Variants in DYSF observed in about 807,000 individuals in gnomAD.
DYSF encodes dysferlin.
Under a neutral mutation model 274.9 loss-of-function variants are expected in DYSF, and 212 were observed. The ratio of observed to expected loss-of-function variants is 0.77; its 90% CI spans 0.69 to 0.86. The LOEUF (loss-of-function observed/expected upper bound fraction) is 0.86, where lower values mean the gene tolerates loss of function less well. DYSF is among the 40% of genes least tolerant of loss of function. The probability of loss-of-function intolerance (pLI) is 0.00; values close to 1 mark genes in which losing one functional copy is unlikely to be tolerated. For synonymous variants in DYSF, 1,091 were observed against 1,078.7 expected, an observed-to-expected ratio of 1.01 and a Z score of -0.22; for missense variants, 2,666 against 2,783.2, an observed-to-expected ratio of 0.96 and a Z score of 0.95.
At chr2:71,509,149 C>T (rs2085811752) in intron 4 of DYSF, among the ~76,000 whole-genome samples, 1 of 152,048 alleles carries the variant, frequency 6.6e-6, no homozygotes, top group African/African-American at 2.4e-5. Flanking sequence ...AGCCACTGTG[C>T]CCAGCCGTCA....
rs200921075 is a variant in DYSF at position 71,681,070 on chromosome 2, C to T, written c.6133C>T (p.Arg2045Trp). 1.7e-5 allele frequency: 28 copies of T among 1,614,060 alleles called. No homozygotes were observed. In the African/African-American group the frequency reaches 1.7e-4, roughly 10 times the overall value. The change falls in exon 54 of 56, where the codon CGG becomes TGG. Residue 2045 changes from arginine to tryptophan, a missense_variant. By Grantham distance (101) the Arg-to-Trp change is moderately radical (BLOSUM62 -3). Coordinates refer to ENST00000410020, the MANE Select transcript of DYSF (RefSeq NM_001130987.2). Reference sequence around the variant, plus strand: ...TGAGGAGCGGCCTGCTGGCCAGGGCCGGGATGAGCCCAACATGAACCCTAA... The same window carrying T: ...TGAGGAGCGGCCTGCTGGCCAGGGCTGGGATGAGCCCAACATGAACCCTAA... ...EHEERPAGQG[R>W]DEPNMNPKLE...
chr2:71,550,238 G>A (rs2090832664), intron 17 of DYSF, among the ~76,000 whole-genome samples: 1 of 152,238 alleles, frequency 6.6e-6, no homozygotes, highest in Admixed American at 6.5e-5. Context: ...GGTTTTCAGA[G>A]CATGGCCAGT....
chr2:71,608,863 C>T (rs1028630207), intron 36 of DYSF, among the ~76,000 whole-genome samples: 1 of 151,868 alleles, frequency 6.6e-6, no homozygotes, highest in Non-Finnish European at 1.5e-5. Flanking sequence ...TTTAAGAGAA[C>T]AAGTGTATGA....
intron 3 of DYSF, among the ~76,000 whole-genome samples, chr2:71,502,499 G>A (rs2085078644): frequency 6.6e-6 from 1 of 152,110 alleles, no homozygotes; most frequent in South Asian, 2.1e-4. Flanking sequence ...TCTACAGAGG[G>A]GCAGACTATA....
upstream of DYSF, among the ~76,000 whole-genome samples, chr2:71,462,773 C>T (rs950061575): frequency 4.6e-5 from 7 of 152,192 alleles, no homozygotes; most frequent in Admixed American, 6.5e-5. Context: ...GCAGGTCTTC[C>T]CGACAAGTGG....
chr2:71,468,749 G>A (rs529259677), intron 1 of DYSF, among the ~76,000 whole-genome samples: 87 of 152,264 alleles, frequency 5.7e-4, no homozygotes, highest in African/African-American at 2.1e-3. Flanking sequence ...TCTCCTCTCT[G>A]GATGACAAGC....
intron 3 of DYSF, among the ~76,000 whole-genome samples, 155 bp from the exon 4 acceptor site, chr2:71,503,059 T>C (rs2085147218): frequency 6.6e-6 from 1 of 151,960 alleles, no homozygotes; most frequent in African/African-American, 2.4e-5. Context: ...TGGTGGTGAC[T>C]GGGTGTGGGG....
intron 30 of DYSF, among the ~76,000 whole-genome samples, chr2:71,586,850 A>G (rs2093084438): frequency 6.6e-6 from 1 of 151,908 alleles, no homozygotes; most frequent in East Asian, 1.9e-4. Context: ...CTAGCCCCCT[A>G]CCTGCGGGTG....
At chr2:71,540,698 A>G (rs1037853703) in intron 17 of DYSF, among the ~76,000 whole-genome samples, 1 of 151,034 alleles carries the variant, frequency 6.6e-6, no homozygotes, top group Non-Finnish European at 1.5e-5. Flanking sequence ...TATATAATTT[A>G]TATTCATTCT....
chr2:71,535,295 A>T lies in DYSF; in HGVS notation c.1477A>T (p.Ile493Phe). The change falls in exon 16 of 56, where the codon ATT becomes TTT. Residue 493 changes from isoleucine (I) to phenylalanine (F), a missense_variant. By Grantham distance (21) the Ile-to-Phe change is conservative. This residue lies in a region of DYSF where 794 missense variants were observed against 777.1 expected (regional missense o/e 1.02). Coordinates refer to ENST00000410020, the MANE Select transcript of DYSF (RefSeq NM_001130987.2). The stretch of plus-strand genomic sequence containing the variant: ...TCCCTCCATGTGCGAAAAAATGAGG[A>T]TTCGTATCATAGACTGGTGAGTTCT... Reference protein sequence around the residue: ...MFPSMCEKMRIRIIDWDRLTH... With the variant: ...MFPSMCEKMRFRIIDWDRLTH... 6.2e-7 allele frequency: 1 copy of T among 1,614,138 alleles called. No individual in the cohort carries two copies. The highest frequency in any genetic ancestry group is 8.5e-7 in the Non-Finnish European group (1 of 1,180,016).
chr2:71,464,810 G>A (rs4547553), upstream of DYSF, among the ~76,000 whole-genome samples: 5,124 of 152,274 alleles, frequency 0.034, 158 homozygotes, highest in African/African-American at 0.082. Flanking sequence ...AGCAGGAGAC[G>A]CATTGGGAGT....
At chr2:71,534,302 A>C (rs2089066766) in intron 14 of DYSF, among the ~76,000 whole-genome samples, 1 of 152,184 alleles carries the variant, frequency 6.6e-6, no homozygotes, top group South Asian at 2.1e-4. Flanking sequence ...TGTATCTGAA[A>C]CTGAGTCTTT....
At chr2:71,543,027 G>A (rs948277224) in intron 17 of DYSF, among the ~76,000 whole-genome samples, 1 of 151,538 alleles carries the variant, frequency 6.6e-6, no homozygotes, top group Non-Finnish European at 1.5e-5. Flanking sequence ...CCCGGATGGG[G>A]TGGCTGGCCG....
intron 6 of DYSF, 77 bp from the exon 7 acceptor site, chr2:71,513,639 C>T: frequency 6.7e-7 from 1 of 1,502,176 alleles, no homozygotes; most frequent in Non-Finnish European, 9.2e-7. Context: ...TCTTCTGCCC[C>T]CTGGGCTGGG....
At position 71,574,723 on chromosome 2, in the gene DYSF, G is replaced by A. The variant is rs945665320; in HGVS notation, c.3402+352G>A. On this transcript the variant is annotated intron_variant, in intron 30 of 55. Coordinates refer to ENST00000410020, the MANE Select transcript of DYSF (RefSeq NM_001130987.2). The stretch of plus-strand genomic sequence containing the variant: ...GGAGGCCCATGGGAGGAGTGAGAGA[G>A]TTCTTGTGGCCCCAGAGTGTCCTTG... Among the ~76,000 whole-genome samples the A allele has an allele frequency of 3.9e-4, 60 of 152,180 alleles. 1 individual carries two copies. Among genetic ancestry groups the A allele is most frequent in the African/African-American group, 1.4e-3 (60 of 41,460 alleles).
chr2:71,571,318 C>G (rs2092423522), intron 29 of DYSF, among the ~76,000 whole-genome samples: 1 of 151,360 alleles, frequency 6.6e-6, no homozygotes, highest in African/African-American at 2.4e-5. Flanking sequence ...ACCTAGCACA[C>G]CCAGCACACG....
At chr2:71,595,604 C>A (rs1028129423) in intron 32 of DYSF, among the ~76,000 whole-genome samples, 4 of 152,200 alleles carry the variant, frequency 2.6e-5, no homozygotes, top group Non-Finnish European at 5.9e-5. Context: ...GCCCGAACAG[C>A]CTGGTGCAGG....
intron 36 of DYSF, 124 bp from the exon 37 acceptor site, chr2:71,611,121 T>A: frequency 1.3e-6 from 1 of 796,388 alleles, no homozygotes. Flanking sequence ...TCCACTTCTG[T>A]CTTTCCTTCT....
Position 71,553,812 on chromosome 2 carries a change from C to T in DYSF, c.1990C>T (p.His664Tyr), listed in dbSNP as rs763101753. Reference protein sequence around the residue: ...QYSRAVFDGCHYYYLPWGNVK... With the variant: ...QYSRAVFDGCYYYYLPWGNVK... The stretch of plus-strand genomic sequence containing the variant: ...GGCCCGTCTCTCCATTCCAGGGTGC[C>T]ACTACTACTACCTACCCTGGGGTAA... Residue 664 changes from histidine to tyrosine, a missense_variant, in exon 21 of 56, where the codon CAC becomes TAC. By Grantham distance (83) the His-to-Tyr change is moderately conservative. Transcript: ENST00000410020. The T allele has an allele frequency of 6.9e-7, 1 of 1,439,488 alleles. No homozygotes were observed. The highest frequency in any genetic ancestry group is 1.1e-5 in the South Asian group (1 of 88,790). The allele number at this position is 1,439,488 out of a possible 1,614,324, so 89.2% of individuals were successfully genotyped here.
Sources: allele counts gnomAD v4.1 joint callset (sites outside exome capture counted in the v4.1 genomes callset), GRCh38; gene constraint gnomAD v4.1.1; regional missense constraint gnomAD v4.1.1; transcripts MANE v1.5; gene names NCBI Gene and HGNC (gene_info 2026-07-23, HGNC 2026-07-21).